Variants in ZKSCAN1 observed in about 807,000 individuals in gnomAD.
ZKSCAN1 encodes the protein zinc finger protein with KRAB and SCAN domains 1.
In ZKSCAN1, 14 loss-of-function variants were observed where a neutral mutation model predicts 51.6. The observed-to-expected ratio is 0.27, with a 90% CI of 0.18 to 0.42. The LOEUF is 0.42. ZKSCAN1 is among the 10% of genes least tolerant of loss of function. ZKSCAN1 has a pLI of 1.00. For synonymous variants in ZKSCAN1, 263 were observed against 261.5 expected, an observed-to-expected ratio of 1.01 and a Z score of -0.06; for missense variants, 531 against 710.0, an observed-to-expected ratio of 0.75 and a Z score of 2.86.
chr7:100,027,777 C>T (rs1182887937), intron 3 of ZKSCAN1, among the ~76,000 whole-genome samples: 2 of 150,462 alleles, frequency 1.3e-5, no homozygotes, highest in East Asian at 2.0e-4. Flanking sequence ...ACCGGTGCAC[C>T]GTGATGTTTA....
intron 1 of ZKSCAN1, among the ~76,000 whole-genome samples, chr7:100,017,634 C>T (rs950148016): frequency 6.6e-6 from 1 of 152,184 alleles, no homozygotes; most frequent in Non-Finnish European, 1.5e-5. Context: ...TTCTGTTTAT[C>T]CTAGGTGAGA....
chr7:100,031,734 T>C (rs938809187), intron 5 of ZKSCAN1, among the ~76,000 whole-genome samples: 5 of 152,224 alleles, frequency 3.3e-5, no homozygotes, highest in African/African-American at 1.2e-4. Context: ...CCTTGTTGGA[T>C]AGAAACTATT....
At position 100,033,531 on chromosome 7, in the gene ZKSCAN1, A is replaced by C. The variant is rs1454996328; in HGVS notation, c.1026A>C (p.Thr342=). ...TAGGAAAGGACAAAAAAACCATCAC[A>C]GGAGAGAGAGGTCCAAGGGAGAAGG... ...PAIGKDKKTI[T]GERGPREKGK... is the part of the protein sequence containing the mutation. The change falls in exon 6 of 6, where the codon ACA becomes ACC. Residue 342 remains threonine (T), a synonymous_variant. Coordinates refer to ENST00000324306, the MANE Select transcript of ZKSCAN1 (RefSeq NM_003439.4). The surrounding 1 kb of genome is among the most constrained non-coding windows in gnomAD (Gnocchi z 4.1). 1 of 1,614,150 alleles carries C rather than the reference A, an allele frequency of 6.2e-7. No individual in the cohort carries two copies. Among genetic ancestry groups the C allele is most frequent in the Non-Finnish European group, 8.5e-7 (1 of 1,180,014 alleles).
At chr7:100,017,819 G>C (rs1445151151) in intron 1 of ZKSCAN1, among the ~76,000 whole-genome samples, 1 of 152,182 alleles carries the variant, frequency 6.6e-6, no homozygotes, top group Non-Finnish European at 1.5e-5. Flanking sequence ...CTCTCTCAGG[G>C]ATGTGCCACT....
rs1384195950 is a variant in ZKSCAN1 at position 100,040,870 on chromosome 7, G to C, written c.*6673G>C. The C allele has an allele frequency of 1.0e-6, 1 of 985,218 alleles. No homozygotes were observed. The highest frequency in any genetic ancestry group is 4.7e-5 in the South Asian group (1 of 21,294). 61.0% of individuals were successfully genotyped at this position (985,218 alleles called of 1,614,324 possible). On this transcript the variant is annotated 3_prime_UTR_variant, in exon 6 of 6. Coordinates refer to ENST00000324306, the MANE Select transcript of ZKSCAN1 (RefSeq NM_003439.4). ...ATGTTAGATTAGAGATGCTTCTGCT[G>C]ATCGCAGGGGTTCTTATTTGAAAAC...
chr7:100,040,517 A>T lies in ZKSCAN1; in HGVS notation c.*6320A>T, dbSNP rs1470533961. Reference sequence around the variant, plus strand: ...TGTGAGTGATTGAAAGGTGATATTTAAAAACTTGGATTTCATTCCAGTGTC... The same window carrying T: ...TGTGAGTGATTGAAAGGTGATATTTTAAAACTTGGATTTCATTCCAGTGTC... On this transcript the variant is annotated 3_prime_UTR_variant, in exon 6 of 6. Coordinates refer to ENST00000324306, the MANE Select transcript of ZKSCAN1 (RefSeq NM_003439.4). 1.0e-6 allele frequency: 1 copy of T among 985,342 alleles called. No individual in the cohort carries two copies. Among genetic ancestry groups the T allele is most frequent in the African/African-American group, 1.7e-5 (1 of 57,248 alleles). 61.0% of individuals were successfully genotyped at this position (985,342 alleles called of 1,614,324 possible).
chr7:100,044,680 C>CAAAA (rs59706759), downstream of ZKSCAN1: 10 of 414,940 alleles, frequency 2.4e-5, no homozygotes, highest in African/African-American at 1.4e-4. Context: ...GACTCTATCT[C>CAAAA]AAAAAAAAAA....
At chr7:100,032,819 T>C (rs1791167197) in intron 5 of ZKSCAN1, among the ~76,000 whole-genome samples, 1 of 151,910 alleles carries the variant, frequency 6.6e-6, no homozygotes, top group African/African-American at 2.4e-5. Flanking sequence ...CTATCCTGGC[T>C]AACATGGTGA....
chr7:100,015,853 C>T (rs1060544), intron 1 of ZKSCAN1, 127 bp downstream of exon 1: 37,938 of 152,238 alleles, frequency 0.25, 5,031 homozygotes, highest in East Asian at 0.4. Context: ...GAAGAGAGTC[C>T]ATGCCCCTGC....
At position 100,040,004 on chromosome 7, in the gene ZKSCAN1, G is replaced by A; in HGVS notation, c.*5807G>A. The A allele has an allele frequency of 1.1e-6, 1 of 885,194 alleles. No individual in the cohort carries two copies. The highest frequency in any genetic ancestry group is 1.4e-6 in the Non-Finnish European group (1 of 739,550). 54.8% of individuals were successfully genotyped at this position (885,194 alleles called of 1,614,324 possible). ...ATTTAGGGTTTTTTTTTTTAGAGTG[G>A]ACACACTACATTTAAAAGCAATTAT... On this transcript the variant is annotated 3_prime_UTR_variant, in exon 6 of 6. Transcript: ENST00000324306.
chr7:100,034,809 T>C lies in ZKSCAN1; in HGVS notation c.*612T>C, dbSNP rs1791277733. The C allele has an allele frequency of 6.5e-6, 1 of 154,470 alleles. No individual in the cohort carries two copies. The highest frequency in any genetic ancestry group is 6.5e-5 in the Admixed American group (1 of 15,286). The allele number at this position is 154,470 out of a possible 1,614,324, so 9.6% of individuals were successfully genotyped here. Reference sequence around the variant, plus strand: ...CTATCTCTTCCCGAAAGAGAGGGTATGTGCACCAGTCTACAGTTCCAAAGG... The same window carrying C: ...CTATCTCTTCCCGAAAGAGAGGGTACGTGCACCAGTCTACAGTTCCAAAGG... On this transcript the variant is annotated 3_prime_UTR_variant, in exon 6 of 6. Coordinates refer to ENST00000324306, the MANE Select transcript of ZKSCAN1 (RefSeq NM_003439.4).
At chr7:100,017,970 C>T (rs971350955) in intron 1 of ZKSCAN1, among the ~76,000 whole-genome samples, 7 of 152,170 alleles carry the variant, frequency 4.6e-5, no homozygotes, top group Non-Finnish European at 1.0e-4. Context: ...AAAATTAAGA[C>T]ATTTCTGTAG....
intron 3 of ZKSCAN1, 107 bp from the exon 4 acceptor site, chr7:100,029,754 A>G (rs1331215433): frequency 5.3e-5 from 56 of 1,059,600 alleles, no homozygotes; most frequent in Non-Finnish European, 6.8e-5. Flanking sequence ...GGACCTAAAC[A>G]CTGAACAGTG....
At position 100,036,414 on chromosome 7, in the gene ZKSCAN1, TG is replaced by T; in HGVS notation, c.*2218del. 3 of 985,464 alleles carry T rather than the reference TG, an allele frequency of 3.0e-6. No individual in the cohort carries two copies. The highest frequency in any genetic ancestry group is 3.6e-6 in the Non-Finnish European group (3 of 829,948). The allele number at this position is 985,464 out of a possible 1,614,324, so 61.0% of individuals were successfully genotyped here. On this transcript the variant is annotated 3_prime_UTR_variant, in exon 6 of 6. Transcript: ENST00000324306. ...TCCTGTGCTTTTGAGCAAGGACTTT[TG>T]CCCTCTAGAAAGCAACTGAGGCCAG...
chr7:100,022,445 G>A (rs930018493), intron 1 of ZKSCAN1, among the ~76,000 whole-genome samples: 2 of 152,236 alleles, frequency 1.3e-5, no homozygotes, highest in African/African-American at 4.8e-5. Context: ...ACCTGTGACA[G>A]GTCAGCACAG....
rs910964580 is a variant in ZKSCAN1, at chr7:100,039,091, C to G, written c.*4894C>G. The G allele has an allele frequency of 1.3e-5, 2 of 156,584 alleles. No homozygotes were observed. The highest frequency in any genetic ancestry group is 2.4e-5 in the African/African-American group (1 of 40,966). 9.7% of individuals were successfully genotyped at this position (156,584 alleles called of 1,614,324 possible). ...CTTTGGGAGGCAGAGGTGGGCGGAT[C>G]ACTTGAGGTCAGGAGTTTGAGACCA... On this transcript the variant is annotated 3_prime_UTR_variant, in exon 6 of 6. Coordinates refer to ENST00000324306, the MANE Select transcript of ZKSCAN1 (RefSeq NM_003439.4).
At chr7:100,019,886 A>G (rs1404896520) in intron 1 of ZKSCAN1, among the ~76,000 whole-genome samples, 2 of 151,982 alleles carry the variant, frequency 1.3e-5, no homozygotes, top group Admixed American at 6.6e-5. Context: ...TATTTTTAGT[A>G]GAGATGGGGT....
At chr7:100,044,431 G>C (rs1217589567), downstream of ZKSCAN1, among the ~76,000 whole-genome samples, 6 of 152,056 alleles carry the variant, frequency 3.9e-5, no homozygotes, top group Non-Finnish European at 7.4e-5. Flanking sequence ...ACTTTGGGAG[G>C]CTGAGGCAGG....
Position 100,034,153 on chromosome 7 carries a change from G to T in ZKSCAN1, c.1648G>T (p.Ala550Ser). 1.3e-6 allele frequency: 2 copies of T among 1,550,038 alleles called. No individual in the cohort carries two copies. The highest frequency in any genetic ancestry group is 1.7e-6 in the Non-Finnish European group (2 of 1,154,752). ...ARERASEYSP[A>S]SLDAFGAFLK... ...AGAGAGAGCCTCTGAGTACAGCCCA[G>T]CCTCCCTTGATGCATTTGGCGCGTT... is the stretch of plus-strand genomic sequence containing the variant. The change falls in exon 6 of 6, where the codon GCC becomes TCC. Residue 550 changes from alanine (A) to serine (S), a missense_variant. Ala to Ser is a moderately conservative substitution (Grantham distance 99). Around this residue, in one of 2 missense-constraint regions of ZKSCAN1, gnomAD observed 128 missense variants for 219.5 expected, o/e 0.58. Transcript: ENST00000324306.
Sources: allele counts gnomAD v4.1 joint callset (sites outside exome capture counted in the v4.1 genomes callset), GRCh38; gene constraint gnomAD v4.1.1; regional missense constraint gnomAD v4.1.1; non-coding constraint Gnocchi (gnomAD v3.1); transcripts MANE v1.5; gene names NCBI Gene and HGNC (gene_info 2026-07-23, HGNC 2026-07-21).